Variants in SPATA1 observed in about 807,000 individuals in gnomAD.
SPATA1 encodes the protein spermatogenesis-associated protein 1.
Under a neutral mutation model 59.6 loss-of-function variants are expected in SPATA1, and 57 were observed. The ratio of observed to expected loss-of-function variants is 0.96; its 90% CI spans 0.77 to 1.19. The LOEUF (loss-of-function observed/expected upper bound fraction) is 1.19. Ranked by LOEUF, SPATA1 falls within the 50% of genes most tolerant of loss-of-function variation. The pLI is 0.00. For missense variants in SPATA1, 448 were observed against 480.7 expected (o/e 0.93, Z 0.64); for synonymous variants, 147 against 163.9 (o/e 0.90, Z 0.79).
chr1:84,544,220 A>T (rs1558608373), exon 9 of SPATA1: 1 of 1,599,666 alleles, frequency 6.3e-7, no homozygotes, highest in African/African-American at 1.3e-5. Flanking sequence ...AAAAGAGTAC[A>T]TCACCCTACC....
At chr1:84,545,656 G>A (rs1285610309) in exon 10 of SPATA1, 1 of 1,514,462 alleles carries the variant, frequency 6.6e-7, no homozygotes, top group Non-Finnish European at 8.8e-7. Flanking sequence ...TCAAACAAAT[G>A]AAACAAGTAA....
intron 8 of SPATA1, among the ~76,000 whole-genome samples, chr1:84,539,585 C>T (rs1683835117): frequency 6.6e-6 from 1 of 151,916 alleles, no homozygotes; most frequent in Non-Finnish European, 1.5e-5. Flanking sequence ...TTTTATGGAC[C>T]CCATTTTGAT....
downstream of SPATA1, among the ~76,000 whole-genome samples, chr1:84,558,534 G>A (rs926032564): frequency 8.7e-5 from 13 of 149,982 alleles, no homozygotes; most frequent in South Asian, 2.1e-4. Context: ...CTCGTGATCC[G>A]CCCGCCTCAG....
intron 4 of SPATA1, among the ~76,000 whole-genome samples, chr1:84,562,600 G>A (rs1360334884): frequency 6.6e-6 from 1 of 152,010 alleles, no homozygotes; most frequent in Non-Finnish European, 1.5e-5. Context: ...TTTGAGCTGT[G>A]GAAGAGCCTT....
intron 2 of SPATA1, 68 bp from the exon 3 acceptor site, chr1:84,520,517 A>T: frequency 1.1e-6 from 1 of 890,998 alleles, no homozygotes; most frequent in African/African-American, 2.2e-5. Flanking sequence ...TTAATTCTAT[A>T]GGACATCAAT....
chr1:84,553,183 T>G (rs1684329900), exon 13 of SPATA1: 3 of 973,740 alleles, frequency 3.1e-6, no homozygotes, highest in Non-Finnish European at 1.5e-6. Context: ...TGAACAGATT[T>G]GTTTAACCAT....
At chr1:84,552,386 G>A (rs1482733751) in intron 12 of SPATA1, 1 of 152,120 alleles carries the variant, frequency 6.6e-6, no homozygotes, top group Non-Finnish European at 1.5e-5. Flanking sequence ...GCTGTCCACA[G>A]ACAACACTTG....
intron 8 of SPATA1, among the ~76,000 whole-genome samples, chr1:84,539,043 G>A (rs543121103): frequency 3.9e-5 from 6 of 152,136 alleles, no homozygotes; most frequent in South Asian, 2.1e-4. Context: ...TCAAGCAATC[G>A]GCCCTCCTCA....
downstream of SPATA1, among the ~76,000 whole-genome samples, chr1:84,557,095 C>A (rs1287731059): frequency 6.6e-6 from 1 of 152,160 alleles, no homozygotes; most frequent in African/African-American, 2.4e-5. Context: ...ACATGTAAGA[C>A]TAATTTATGC....
At chr1:84,557,730 C>G (rs1570466704), downstream of SPATA1, among the ~76,000 whole-genome samples, 1 of 148,650 alleles carries the variant, frequency 6.7e-6, no homozygotes, top group African/African-American at 2.5e-5. Context: ...TGGTGGCGGG[C>G]ACCTGTAGTC....
At chr1:84,545,837 TAA>T (rs1570448489) in intron 10 of SPATA1, 78 bp downstream of exon 10, 5 of 1,046,610 alleles carry the variant, frequency 4.8e-6, no homozygotes, top group African/African-American at 3.3e-5. Context: ...GAATAAATAA[TAA>T]AGTTATAATT....
At chr1:84,531,570 C>CTTTTTTT (rs11344822) in intron 6 of SPATA1, among the ~76,000 whole-genome samples, 1 of 105,240 alleles carries the variant, frequency 9.5e-6, no homozygotes, top group Non-Finnish European at 1.9e-5. Context: ...TTTGGCAAGT[C>CTTTTTTT]TTTTTTTTTT....
intron 8 of SPATA1, among the ~76,000 whole-genome samples, chr1:84,536,605 G>A (rs1013546237): frequency 3.3e-5 from 5 of 151,820 alleles, no homozygotes; most frequent in East Asian, 1.9e-4. Context: ...CACCACGCCC[G>A]GCTAATTTTT....
At chr1:84,557,533 C>CAAAAAAAAAAAAAAAAAA (rs56101174), downstream of SPATA1, among the ~76,000 whole-genome samples, 9 of 55,426 alleles carry the variant, frequency 1.6e-4, no homozygotes, top group East Asian at 6.9e-4. Flanking sequence ...AACTCCATCT[C>CAAAAAAAAAAAAAAAAAA]AAAAAAAAAA....
chr1:84,521,033 G>A (rs928490573), intron 3 of SPATA1, among the ~76,000 whole-genome samples: 4 of 151,918 alleles, frequency 2.6e-5, no homozygotes, highest in Admixed American at 2.0e-4. Flanking sequence ...TTTCTTTGAG[G>A]CCCAGAAGTC....
At chr1:84,559,860 G>A (rs985278157) in intron 4 of SPATA1, among the ~76,000 whole-genome samples, 4 of 151,932 alleles carry the variant, frequency 2.6e-5, no homozygotes, top group Admixed American at 6.6e-5. Context: ...CAAGGTAGGC[G>A]GATCACTTGA....
chr1:84,545,274 A>G (rs992607487), intron 9 of SPATA1, among the ~76,000 whole-genome samples: 6 of 149,646 alleles, frequency 4.0e-5, no homozygotes, highest in Admixed American at 1.3e-4. Flanking sequence ...TAATCCTAAA[A>G]TATACATTTT....
In SPATA1 at chr1:84,545,774, ATACCTTTTATCACT is replaced by A; in HGVS notation, c.946+16_946+29del. ...ACGATATCATGGTAAAGTTTATTAC[ATACCTTTTATCACT>A]ATAAAGAAAACTTAAGTTTTACAGA... On this transcript the variant is annotated intron_variant, in intron 10 of 12. Coordinates refer to ENST00000490879, the Ensembl canonical transcript of SPATA1. 6.8e-7 allele frequency: 1 copy of A among 1,470,644 alleles called. No individual in the cohort carries two copies. The highest frequency in any genetic ancestry group is 2.6e-5 in the East Asian group (1 of 38,038). 91.1% of individuals were successfully genotyped at this position (1,470,644 alleles called of 1,614,324 possible). A position where few individuals can be genotyped will look rare whatever the true frequency, so the allele number is the denominator to read the frequency against.
At chr1:84,530,229 ACAGTGTATGGC>A (rs1346580943) in intron 6 of SPATA1, among the ~76,000 whole-genome samples, 1 of 152,198 alleles carries the variant, frequency 6.6e-6, no homozygotes, top group Non-Finnish European at 1.5e-5. Context: ...ATCCAGGGCT[ACAGTGTATGGC>A]CATGCAGATT....
Sources: gnomAD v4.1 joint callset for allele counts (sites outside exome capture counted in the v4.1 genomes callset) on GRCh38, gnomAD v4.1.1 for gene constraint, MANE v1.5 for transcripts, NCBI Gene and HGNC (gene_info 2026-07-23, HGNC 2026-07-21) for gene names.